The following WDR88 variants were observed in gnomAD, a reference collection of about 807,000 sequenced individuals.
The protein encoded by WDR88 is WD repeat-containing protein 88.
Under a neutral mutation model 46.8 loss-of-function variants are expected in WDR88, and 40 were observed. The observed-to-expected ratio is 0.86, with a 90% CI of 0.66 to 1.11. The LOEUF is 1.11. WDR88 is among the 50% of genes most tolerant of loss of function. The pLI is 0.00. For synonymous variants in WDR88, 235 were observed against 240.7 expected, an observed-to-expected ratio of 0.98 and a Z score of 0.22; for missense variants, 562 against 602.4, an observed-to-expected ratio of 0.93 and a Z score of 0.70.
intron 9 of WDR88, among the ~76,000 whole-genome samples, chr19:33,169,954 C>T (rs1027569355): frequency 6.0e-5 from 9 of 150,348 alleles, no homozygotes; most frequent in Admixed American, 2.7e-4. Context: ...CTTGGCTCAC[C>T]GCAACCTCCG....
intron 1 of WDR88, among the ~76,000 whole-genome samples, chr19:33,133,198 T>TATAG (rs1555723214): frequency 5.5e-4 from 44 of 79,806 alleles, no homozygotes; most frequent in African/African-American, 1.2e-3. Flanking sequence ...TAAATAAATA[T>TATAG]AGAGAGAGAG....
intron 6 of WDR88, 80 bp downstream of exon 6, chr19:33,151,390 A>G (rs1973632297): frequency 2.0e-6 from 3 of 1,519,876 alleles, no homozygotes; most frequent in East Asian, 4.7e-5. Flanking sequence ...CACATAAGCC[A>G]GCATCCATGT....
intron 9 of WDR88, among the ~76,000 whole-genome samples, chr19:33,167,756 C>T (rs1314664405): frequency 1.3e-5 from 2 of 151,038 alleles, no homozygotes; most frequent in Non-Finnish European, 3.0e-5. Flanking sequence ...CTTCTCTCCT[C>T]TCCTCCTCTC....
At chr19:33,132,594 A>G (rs890138129) in intron 1 of WDR88, 149 bp downstream of exon 1, 1 of 1,290,092 alleles carries the variant, frequency 7.8e-7, no homozygotes, top group Non-Finnish European at 1.0e-6. Flanking sequence ...TCTGTGGTAC[A>G]TCTGTGGGCA....
intron 9 of WDR88, 115 bp from the exon 10 acceptor site, chr19:33,172,233 G>C (rs1486192096): frequency 1.2e-5 from 10 of 830,422 alleles, no homozygotes; most frequent in Non-Finnish European, 2.0e-5. Flanking sequence ...TGCATTGAAG[G>C]TTCCTCTGTC....
At chr19:33,169,754 G>C (rs1297367887) in intron 9 of WDR88, among the ~76,000 whole-genome samples, 3 of 151,246 alleles carry the variant, frequency 2.0e-5, no homozygotes, top group African/African-American at 7.3e-5. Flanking sequence ...CACTCCAAAA[G>C]TGTTCAATGT....
intron 6 of WDR88, among the ~76,000 whole-genome samples, chr19:33,153,828 G>A (rs766851370): frequency 6.6e-6 from 1 of 152,046 alleles, no homozygotes; most frequent in Non-Finnish European, 1.5e-5. Flanking sequence ...CATTCATATT[G>A]TTTTTCTCCT....
intron 3 of WDR88, among the ~76,000 whole-genome samples, 173 bp from the exon 4 acceptor site, chr19:33,147,472 G>A (rs1378874139): frequency 1.3e-5 from 2 of 152,072 alleles, no homozygotes; most frequent in Non-Finnish European, 1.5e-5. Flanking sequence ...GCGTGGTGGC[G>A]GGCGCCTGTA....
At chr19:33,175,371 GCT>G (rs756253604) in intron 10 of WDR88, 23 bp from the exon 11 acceptor site, 48 of 1,611,744 alleles carry the variant, frequency 3.0e-5, no homozygotes, top group Non-Finnish European at 2.7e-5. Context: ...CCTCCTTTCT[GCT>G]CTTTTAAAAT....
At chr19:33,147,107 A>T (rs2145381802) in intron 3 of WDR88, among the ~76,000 whole-genome samples, 1 of 151,036 alleles carries the variant, frequency 6.6e-6, no homozygotes, top group East Asian at 1.9e-4. Flanking sequence ...CATGATGATG[A>T]GTGCCCATAG....
chr19:33,148,871 A>G lies in WDR88; in HGVS notation c.640A>G (p.Met214Val). Residue 214 changes from methionine (M) to valine (V), a missense_variant, in exon 5 of 11, where the codon ATG becomes GTG. Physicochemically the swap from Met to Val is conservative, Grantham distance 21 (BLOSUM62 1). Transcript: ENST00000355868. ...GFDVDHGICI[M>V]DAENITTVSV... ...CGACGTGGATCATGGAATCTGCATA[A>G]TGGACGCCGAGAACATCACCACCGT... 6.2e-7 allele frequency: 1 copy of G among 1,614,096 alleles called. No individual in the cohort carries two copies. Among genetic ancestry groups the G allele is most frequent in the Non-Finnish European group, 8.5e-7 (1 of 1,180,012 alleles).
chr19:33,170,328 G>A (rs1260763432), intron 9 of WDR88, among the ~76,000 whole-genome samples: 11 of 151,936 alleles, frequency 7.2e-5, no homozygotes, highest in Admixed American at 2.6e-4. Context: ...CAAGGTGCCC[G>A]CGATCATGCC....
intron 10 of WDR88, chr19:33,174,547 G>C (rs1178641807): frequency 1.0e-6 from 1 of 984,630 alleles, no homozygotes; most frequent in East Asian, 1.1e-4. Flanking sequence ...AGTGTACTCT[G>C]TGAGCTTTGG....
At chr19:33,132,498 G>A in intron 1 of WDR88, 53 bp downstream of exon 1, 1 of 1,592,472 alleles carries the variant, frequency 6.3e-7, no homozygotes, top group Middle Eastern at 1.7e-4. Context: ...CACACGGGAG[G>A]AAGGCGCTCG....
At chr19:33,166,545 T>C (rs1214354571) in intron 9 of WDR88, among the ~76,000 whole-genome samples, 2 of 150,978 alleles carry the variant, frequency 1.3e-5, no homozygotes, top group East Asian at 3.9e-4. Flanking sequence ...TGCAGCGGGC[T>C]GTGATCATGC....
At chr19:33,165,846 T>G (rs1973944143) in intron 9 of WDR88, among the ~76,000 whole-genome samples, 1 of 145,696 alleles carries the variant, frequency 6.9e-6, no homozygotes, top group Non-Finnish European at 1.5e-5. Flanking sequence ...TGAGCCGAGA[T>G]CACGAGATCA....
Position 33,165,044 on chromosome 19 carries a change from T to C in WDR88, c.1149+779T>C, listed in dbSNP as rs146396535. 9.1e-3 allele frequency among the ~76,000 whole-genome samples: 1,378 copies of C among 152,122 alleles called. 9 individuals are homozygous for C. The highest frequency in any genetic ancestry group is 0.015 in the Non-Finnish European group (1,028 of 68,004). ...ATAAGGAGCACACAGCCTAGATCCC[T>C]TGCATGCACAGTTCACAATAGCCTT... On this transcript the variant is annotated intron_variant, in intron 9 of 10. Coordinates refer to ENST00000355868, the MANE Select transcript of WDR88 (RefSeq NM_173479.4).
rs1330556842 is a variant in WDR88, at chr19:33,157,705, AT to A, written c.997+1164del. On this transcript the variant is annotated intron_variant, in intron 7 of 10. Transcript: ENST00000355868. Reference sequence around the variant, plus strand: ...TATGTATGTATATATATATATATATATATATATATATATATATATATATATA... The same window carrying A: ...TATGTATGTATATATATATATATATAATATATATATATATATATATATATA... 5.7e-4 allele frequency among the ~76,000 whole-genome samples: 8 copies of A among 13,968 alleles called. 1 individual carries two copies. The highest frequency in any genetic ancestry group is 4.9e-3 in the East Asian group (8 of 1,648). 9.2% of individuals were successfully genotyped at this position (13,968 alleles called of 152,430 possible). A position where few individuals can be genotyped will look rare whatever the true frequency, so the allele number is the denominator to read the frequency against.
chr19:33,169,363 G>A (rs746679669), intron 9 of WDR88, among the ~76,000 whole-genome samples: 3 of 152,098 alleles, frequency 2.0e-5, no homozygotes, highest in Non-Finnish European at 4.4e-5. Context: ...TTAATATGCA[G>A]AATACATAAA....
Sources: allele counts gnomAD v4.1 joint callset (sites outside exome capture counted in the v4.1 genomes callset), GRCh38; gene constraint gnomAD v4.1.1; transcripts MANE v1.5; gene names NCBI Gene and HGNC (gene_info 2026-07-23, HGNC 2026-07-21).